LRRTM4: variants seen among roughly 807,000 people sequenced by gnomAD.
LRRTM4 encodes the protein leucine-rich repeat transmembrane neuronal protein 4.
A neutral mutation model predicts 47.6 loss-of-function variants in LRRTM4; 25 were observed. That is an observed-to-expected ratio of 0.53 (90% confidence interval 0.38 to 0.73). The LOEUF is 0.73. Ranked by LOEUF, LRRTM4 falls within the 30% of genes least tolerant of loss-of-function variation. LRRTM4 has a pLI of 0.00. For missense variants in LRRTM4, 638 were observed against 713.4 expected, an observed-to-expected ratio of 0.89 and a Z score of 1.20; for synonymous variants, 311 against 269.5, an observed-to-expected ratio of 1.15 and a Z score of -1.51.
intron 3 of LRRTM4, among the ~76,000 whole-genome samples, chr2:76,782,515 G>T (rs1038277783): frequency 2.6e-5 from 4 of 152,158 alleles, no homozygotes; most frequent in African/African-American, 9.7e-5. Context: ...AGGTGACTAT[G>T]AATTATTACA....
At chr2:77,025,013 A>T (rs1014979527) in intron 3 of LRRTM4, among the ~76,000 whole-genome samples, 5 of 152,188 alleles carry the variant, frequency 3.3e-5, no homozygotes, top group African/African-American at 1.2e-4. Context: ...GTAATTTTAA[A>T]ACTTTCAACA....
At chr2:76,933,116 G>A (rs1218149386) in intron 3 of LRRTM4, among the ~76,000 whole-genome samples, 1 of 151,984 alleles carries the variant, frequency 6.6e-6, no homozygotes, top group Non-Finnish European at 1.5e-5. Flanking sequence ...AGCAAGTCAA[G>A]TTAGGATAAC....
Position 77,521,731 on chromosome 2 carries a change from T to G in LRRTM4, c.-60A>C. The G allele has an allele frequency of 5.0e-6, 8 of 1,600,066 alleles. No homozygotes were observed. Among genetic ancestry groups the G allele is most frequent in the East Asian group, 2.2e-5 (1 of 44,700 alleles). On this transcript the variant is annotated 5_prime_UTR_variant, in exon 2 of 4. Coordinates refer to ENST00000409884, the MANE Select transcript of LRRTM4 (RefSeq NM_001134745.3). ...AGCTTTCTTCTTATTTGGTCTCTTG[T>G]GCGGAAACCACCACCACCTTCATGA...
At chr2:76,915,309 C>G (rs1031045853) in intron 3 of LRRTM4, among the ~76,000 whole-genome samples, 2 of 152,086 alleles carry the variant, frequency 1.3e-5, no homozygotes, top group Non-Finnish European at 2.9e-5. Context: ...AATATCAAAA[C>G]GGGATTGAGT....
chr2:77,344,041 T>C (rs1671471605), intron 3 of LRRTM4, among the ~76,000 whole-genome samples: 2 of 151,802 alleles, frequency 1.3e-5, no homozygotes, highest in Non-Finnish European at 2.9e-5. Flanking sequence ...TAGATCAATA[T>C]TAAAAGCTGT....
intron 3 of LRRTM4, among the ~76,000 whole-genome samples, chr2:77,256,105 T>A (rs1675757458): frequency 6.6e-6 from 1 of 152,030 alleles, no homozygotes; most frequent in Non-Finnish European, 1.5e-5. Context: ...CTTTATAGTC[T>A]CTGTAAATAT....
rs141355251 is a variant in LRRTM4, at chr2:76,812,150, C to T, written c.1552-63234G>A. Among the ~76,000 whole-genome samples, 342 of 152,188 alleles carry T rather than the reference C, an allele frequency of 2.2e-3. 6 individuals are homozygous for T. Among genetic ancestry groups the T allele is most frequent in the African/African-American group, 7.0e-3 (291 of 41,522 alleles). ...TAGGGTAACTGAATAATAAACACAG[C>T]TAGTGGAAGCCTTTGAGGTCTGGAA... On this transcript the variant is annotated intron_variant, in intron 3 of 3. Transcript: ENST00000409884.
chr2:77,429,166 C>T (rs1037537087), intron 3 of LRRTM4, among the ~76,000 whole-genome samples: 7 of 151,906 alleles, frequency 4.6e-5, no homozygotes, highest in African/African-American at 1.5e-4. Flanking sequence ...TAGGGTAAGA[C>T]GAATGGCAAT....
chr2:77,293,152 G>A (rs1017731515), intron 3 of LRRTM4, among the ~76,000 whole-genome samples: 1 of 151,868 alleles, frequency 6.6e-6, no homozygotes, highest in African/African-American at 2.4e-5. Flanking sequence ...ATGTATAATC[G>A]GGAAGAAAAA....
chr2:76,810,427 ACT>A, intron 3 of LRRTM4, among the ~76,000 whole-genome samples: 1 of 152,102 alleles, frequency 6.6e-6, no homozygotes, highest in East Asian at 1.9e-4. Flanking sequence ...ATCTTATCAC[ACT>A]GAGTTTTATT....
At chr2:76,756,096 A>T (rs1042932293) in intron 3 of LRRTM4, among the ~76,000 whole-genome samples, 1 of 152,172 alleles carries the variant, frequency 6.6e-6, no homozygotes, top group Non-Finnish European at 1.5e-5. Flanking sequence ...GCACCCCTAC[A>T]GATCATTTTG....
intron 3 of LRRTM4, among the ~76,000 whole-genome samples, chr2:76,789,943 T>C (rs1674885533): frequency 6.6e-6 from 1 of 152,192 alleles, no homozygotes; most frequent in Admixed American, 6.5e-5. Context: ...TGTCTTGCAG[T>C]CCCCAGGACA....
intron 3 of LRRTM4, among the ~76,000 whole-genome samples, chr2:77,094,219 T>A (rs1305955694): frequency 1.3e-5 from 2 of 152,114 alleles, no homozygotes; most frequent in Non-Finnish European, 2.9e-5. Context: ...AGGAGTAAAT[T>A]TAAGCAAGGA....
chr2:76,875,904 A>G (rs929434420), intron 3 of LRRTM4, among the ~76,000 whole-genome samples: 2 of 152,132 alleles, frequency 1.3e-5, no homozygotes, highest in Non-Finnish European at 2.9e-5. Context: ...CCCTATAAAA[A>G]TGTGTCTTCC....
intron 3 of LRRTM4, among the ~76,000 whole-genome samples, chr2:77,503,434 T>C (rs1205748150): frequency 6.6e-6 from 1 of 151,706 alleles, no homozygotes; most frequent in African/African-American, 2.4e-5. Context: ...GGAGAAAAGA[T>C]CTTGGCTTAC....
At chr2:77,448,746 A>C (rs1043257412) in intron 3 of LRRTM4, among the ~76,000 whole-genome samples, 3 of 152,158 alleles carry the variant, frequency 2.0e-5, no homozygotes, top group African/African-American at 7.2e-5. Flanking sequence ...GTAATATTTT[A>C]CTTTTATAAA....
At chr2:77,024,853 A>T (rs1178771348) in intron 3 of LRRTM4, among the ~76,000 whole-genome samples, 3 of 152,170 alleles carry the variant, frequency 2.0e-5, no homozygotes, top group African/African-American at 7.2e-5. Context: ...CTGGAAAGCC[A>T]ATAAGGATTA....
At chr2:76,905,823 C>G (rs557767998) in intron 3 of LRRTM4, among the ~76,000 whole-genome samples, 67 of 152,222 alleles carry the variant, frequency 4.4e-4, no homozygotes, top group African/African-American at 1.6e-3. Context: ...ACGAACAAAG[C>G]CTCCAAGAAA....
At chr2:77,126,756 G>A (rs1297260361) in intron 3 of LRRTM4, among the ~76,000 whole-genome samples, 3 of 152,152 alleles carry the variant, frequency 2.0e-5, no homozygotes, top group African/African-American at 7.2e-5. Flanking sequence ...GGAAGTGGAA[G>A]AACAAAGTAT....
Sources: allele counts gnomAD v4.1 joint callset (sites outside exome capture counted in the v4.1 genomes callset), GRCh38; gene constraint gnomAD v4.1.1; transcripts MANE v1.5; gene names NCBI Gene and HGNC (gene_info 2026-07-23, HGNC 2026-07-21).